Variants in ADAMTS3 observed in about 807,000 individuals in gnomAD.
ADAMTS3 encodes A disintegrin and metalloproteinase with thrombospondin motifs 3.
ADAMTS3 carries 73 observed loss-of-function variants against 129.0 expected under a neutral mutation model. That is an observed-to-expected ratio of 0.57 (90% confidence interval 0.47 to 0.69). The LOEUF (loss-of-function observed/expected upper bound fraction) is 0.69, where lower values mean the gene tolerates loss of function less well. Among genes scored for constraint, ADAMTS3 ranks in the 30% least tolerant of loss-of-function variants. The probability of loss-of-function intolerance (pLI) is 0.00; values close to 1 mark genes in which losing one functional copy is unlikely to be tolerated. For missense variants in ADAMTS3, 1,457 were observed against 1,514.5 expected, an observed-to-expected ratio of 0.96 and a Z score of 0.63; for synonymous variants, 477 against 510.8, an observed-to-expected ratio of 0.93 and a Z score of 0.89.
chr4:72,454,179 T>C (rs538648699), intron 3 of ADAMTS3, among the ~76,000 whole-genome samples: 75 of 151,708 alleles, frequency 4.9e-4, no homozygotes, highest in African/African-American at 1.7e-3. Context: ...TTTTATTGTT[T>C]TGATTTTTTA....
intron 13 of ADAMTS3, 36 bp downstream of exon 13, chr4:72,312,255 T>C: frequency 6.2e-7 from 1 of 1,610,388 alleles, no homozygotes; most frequent in South Asian, 1.1e-5. Flanking sequence ...TGAGTAACCA[T>C]CCACACAGCA....
At chr4:72,416,457 T>G (rs890554730) in intron 3 of ADAMTS3, among the ~76,000 whole-genome samples, 1 of 151,990 alleles carries the variant, frequency 6.6e-6, no homozygotes, top group Non-Finnish European at 1.5e-5. Context: ...AAGAAAACAT[T>G]ACTACAACTC....
intron 4 of ADAMTS3, among the ~76,000 whole-genome samples, chr4:72,373,654 T>G (rs1437983791): frequency 6.6e-6 from 1 of 152,116 alleles, no homozygotes; most frequent in East Asian, 1.9e-4. Context: ...ATCCTAGCAC[T>G]TTGGGAGGCC....
At chr4:72,455,574 C>A (rs1184908760) in intron 3 of ADAMTS3, among the ~76,000 whole-genome samples, 2 of 144,508 alleles carry the variant, frequency 1.4e-5, no homozygotes, top group Non-Finnish European at 3.0e-5. Flanking sequence ...TATAGCTATG[C>A]AACAAACCTG....
intron 5 of ADAMTS3, among the ~76,000 whole-genome samples, chr4:72,337,724 G>A (rs1360301907): frequency 6.6e-6 from 1 of 152,082 alleles, no homozygotes; most frequent in African/African-American, 2.4e-5. Context: ...ATTTTCTAAA[G>A]TGTTATAGCA....
chr4:72,436,878 G>A (rs1168033944), intron 3 of ADAMTS3, among the ~76,000 whole-genome samples: 4 of 151,672 alleles, frequency 2.6e-5, no homozygotes, highest in Non-Finnish European at 4.4e-5. Context: ...AGTGGGGAGG[G>A]ATAACATTAG....
intron 3 of ADAMTS3, among the ~76,000 whole-genome samples, chr4:72,460,380 A>C (rs1416134521): frequency 6.6e-6 from 1 of 151,578 alleles, no homozygotes; most frequent in Admixed American, 6.6e-5. Context: ...CATTTCAAAA[A>C]TTGAAATAGG....
intron 3 of ADAMTS3, among the ~76,000 whole-genome samples, chr4:72,501,239 C>T (rs1470491545): frequency 1.3e-5 from 2 of 152,072 alleles, no homozygotes; most frequent in Non-Finnish European, 2.9e-5. Context: ...TTCTTCCAAT[C>T]CATGAGCATG....
Position 72,309,431 on chromosome 4 carries a change from C to T in ADAMTS3, c.2145G>A (p.Val715=). Residue 715 remains valine, a synonymous_variant, in exon 15 of 22, where the codon GTG becomes GTA. Coordinates refer to ENST00000286657, the MANE Select transcript of ADAMTS3 (RefSeq NM_014243.3). ...TGGGAGTTCTGGTAAATGTCCCCTT[C>T]ACGGTTCGGCAGTGGGAATTATCTC... is the stretch of plus-strand genomic sequence containing the variant. The part of the protein sequence containing the change: ...CGGDNSHCRT[V]KGTFTRTPRK... 1.2e-6 allele frequency: 2 copies of T among 1,612,140 alleles called. No individual in the cohort carries two copies. Among genetic ancestry groups the T allele is most frequent in the South Asian group, 2.2e-5 (2 of 91,028 alleles).
intron 5 of ADAMTS3, among the ~76,000 whole-genome samples, chr4:72,331,689 A>G (rs918426778): frequency 6.6e-6 from 1 of 152,116 alleles, no homozygotes; most frequent in African/African-American, 2.4e-5. Context: ...CCATAAATTA[A>G]TACTTCTAGT....
chr4:72,419,874 C>T (rs976754498), intron 3 of ADAMTS3, among the ~76,000 whole-genome samples: 3 of 151,692 alleles, frequency 2.0e-5, no homozygotes, highest in Non-Finnish European at 4.4e-5. Context: ...GAAACAGAGA[C>T]CCAAAAAATA....
chr4:72,324,788 G>T (rs1719658904), intron 5 of ADAMTS3, among the ~76,000 whole-genome samples: 1 of 152,120 alleles, frequency 6.6e-6, no homozygotes, highest in Admixed American at 6.5e-5. Context: ...TATGACAGAG[G>T]TGCTTGACAA....
chr4:72,300,766 T>A (rs538903092), intron 17 of ADAMTS3, among the ~76,000 whole-genome samples: 1 of 152,240 alleles, frequency 6.6e-6, no homozygotes, highest in East Asian at 1.9e-4. Context: ...GTCAGTGCCA[T>A]ATTGTGAGGA....
At chr4:72,376,293 T>C (rs975795704) in intron 4 of ADAMTS3, among the ~76,000 whole-genome samples, 1 of 152,190 alleles carries the variant, frequency 6.6e-6, no homozygotes, top group African/African-American at 2.4e-5. Context: ...CCATTCCTCA[T>C]AGACACCTTC....
At chr4:72,561,889 C>A (rs1481295477) in intron 2 of ADAMTS3, among the ~76,000 whole-genome samples, 1 of 152,166 alleles carries the variant, frequency 6.6e-6, no homozygotes, top group Non-Finnish European at 1.5e-5. Flanking sequence ...CATTTTACCA[C>A]AAAATTTCTC....
intron 4 of ADAMTS3, among the ~76,000 whole-genome samples, chr4:72,388,596 AAAT>A (rs1219946025): frequency 6.6e-6 from 1 of 152,160 alleles, no homozygotes; most frequent in Non-Finnish European, 1.5e-5. Context: ...ACATTAGAAA[AAAT>A]AAATAAATGT....
chr4:72,549,876 C>G (rs1221330123), intron 2 of ADAMTS3, among the ~76,000 whole-genome samples: 2 of 141,280 alleles, frequency 1.4e-5, no homozygotes, highest in East Asian at 4.4e-4. Flanking sequence ...TTTAAAGGAA[C>G]TATTATAAGA....
intron 3 of ADAMTS3, among the ~76,000 whole-genome samples, chr4:72,511,278 G>C (rs1017789499): frequency 2.6e-5 from 4 of 151,980 alleles, no homozygotes; most frequent in African/African-American, 9.7e-5. Context: ...TGGACAAATG[G>C]GATCACATCA....
intron 4 of ADAMTS3, among the ~76,000 whole-genome samples, chr4:72,378,471 T>C (rs1015584077): frequency 6.6e-6 from 1 of 152,162 alleles, no homozygotes; most frequent in East Asian, 1.9e-4. Context: ...ATGATTGTTA[T>C]TAGCAGAAAC....
Sources: gnomAD v4.1 joint callset for allele counts (sites outside exome capture counted in the v4.1 genomes callset) on GRCh38, gnomAD v4.1.1 for gene constraint, MANE v1.5 for transcripts, NCBI Gene and HGNC (gene_info 2026-07-23, HGNC 2026-07-21) for gene names.